TCF4: variants seen among roughly 807,000 people sequenced by gnomAD.
TCF4 encodes the protein SL3-3 enhancer factor 2.
TCF4 carries 3 observed loss-of-function variants against 82.1 expected under a neutral mutation model. That is an observed-to-expected ratio of 0.04 (90% CI 0.02 to 0.09). The LOEUF is 0.09. Ranked by LOEUF, TCF4 falls within the 10% of genes least tolerant of loss-of-function variation. The pLI is 1.00. For missense variants in TCF4, 518 were observed against 852.7 expected, an observed-to-expected ratio of 0.61 and a Z score of 4.89; for synonymous variants, 276 against 309.6, an observed-to-expected ratio of 0.89 and a Z score of 1.14.
chr18:55,474,504 C>T (rs987227352), intron 3 of TCF4, among the ~76,000 whole-genome samples: 11 of 152,068 alleles, frequency 7.2e-5, no homozygotes, highest in African/African-American at 2.4e-4. Context: ...GTTTCTATTA[C>T]TTATTTATTG....
At chr18:55,280,464 A>G (rs2062363048) in intron 8 of TCF4, among the ~76,000 whole-genome samples, 1 of 152,208 alleles carries the variant, frequency 6.6e-6, no homozygotes, top group Non-Finnish European at 1.5e-5. Context: ...ACAGGACAGC[A>G]TAGTAGAAAA....
chr18:55,303,297 A>G (rs1296961669), intron 8 of TCF4, among the ~76,000 whole-genome samples: 1 of 149,022 alleles, frequency 6.7e-6, no homozygotes, highest in Non-Finnish European at 1.5e-5. Context: ...GCTACTGGCA[A>G]TGGGTGCAAC....
rs1214490107 is a variant in TCF4 at position 55,309,252 on chromosome 18, T to C, written c.550-29596A>G. On this transcript the variant is annotated intron_variant, in intron 8 of 19. Coordinates refer to ENST00000354452, the MANE Select transcript of TCF4 (RefSeq NM_001083962.2). ...TCAATCTCCTAAGTAGCTGGGACTATAGATGAGCGCTACCATGCCTGGCTA... is the reference window on the plus strand; with the variant it reads ...TCAATCTCCTAAGTAGCTGGGACTACAGATGAGCGCTACCATGCCTGGCTA... Among the ~76,000 whole-genome samples, 8 of 151,694 alleles carry C rather than the reference T, an allele frequency of 5.3e-5. No individual in the cohort carries two copies. In the South Asian group the frequency reaches 1.5e-3, roughly 28 times the overall value.
chr18:55,379,469 G>A (rs1377589695), intron 6 of TCF4, among the ~76,000 whole-genome samples: 5 of 152,180 alleles, frequency 3.3e-5, no homozygotes, highest in Admixed American at 1.3e-4. Flanking sequence ...GCCCTGGGAA[G>A]GGAGTGTGTC....
intron 3 of TCF4, among the ~76,000 whole-genome samples, chr18:55,477,672 T>C (rs1047046988): frequency 3.3e-5 from 5 of 152,158 alleles, no homozygotes; most frequent in African/African-American, 9.7e-5. Context: ...GACGGAAAAA[T>C]GGACCAAGGT....
intron 3 of TCF4, among the ~76,000 whole-genome samples, chr18:55,560,372 T>C (rs762885270): frequency 2.0e-5 from 3 of 152,232 alleles, no homozygotes; most frequent in African/African-American, 4.8e-5. Flanking sequence ...CTAACATTTA[T>C]TGAGCTCTTA....
At chr18:55,395,376 C>T (rs540222797) in intron 6 of TCF4, among the ~76,000 whole-genome samples, 47 of 152,248 alleles carry the variant, frequency 3.1e-4, no homozygotes, top group South Asian at 8.3e-4. Flanking sequence ...ATTTTAAAAA[C>T]GCTTAATGGT....
intron 5 of TCF4, among the ~76,000 whole-genome samples, chr18:55,421,211 C>T (rs1222779235): frequency 6.6e-6 from 1 of 152,052 alleles, no homozygotes; most frequent in African/African-American, 2.4e-5. Flanking sequence ...TGCCTGTGTA[C>T]ACACACACAG....
chr18:55,234,266 G>C (rs1376705510), intron 16 of TCF4, among the ~76,000 whole-genome samples: 1 of 152,132 alleles, frequency 6.6e-6, no homozygotes, highest in Non-Finnish European at 1.5e-5. Flanking sequence ...AGAAAAATGT[G>C]GAAATAGCTA....
At chr18:55,463,831 A>G (rs2095929614) in intron 4 of TCF4, among the ~76,000 whole-genome samples, 1 of 152,140 alleles carries the variant, frequency 6.6e-6, no homozygotes, top group South Asian at 2.1e-4. Flanking sequence ...GTCAAATTGA[A>G]TAACAGCATC....
chr18:55,408,719 A>G (rs1344118167), intron 5 of TCF4, among the ~76,000 whole-genome samples: 1 of 152,186 alleles, frequency 6.6e-6, no homozygotes, highest in Non-Finnish European at 1.5e-5. Context: ...GCCCACAGCC[A>G]CACAGGTACA....
At chr18:55,445,053 A>C (rs1227860168) in intron 5 of TCF4, among the ~76,000 whole-genome samples, 1 of 152,146 alleles carries the variant, frequency 6.6e-6, no homozygotes, top group African/African-American at 2.4e-5. Context: ...GAATTGCCTT[A>C]ATCACCTCCT....
chr18:55,566,952 C>CA (rs2147445069), intron 3 of TCF4, among the ~76,000 whole-genome samples: 1 of 151,808 alleles, frequency 6.6e-6, no homozygotes, highest in South Asian at 2.1e-4. Context: ...TGCTAAATGC[C>CA]AAAAAACAGT....
At chr18:55,446,942 C>T (rs1296204296) in intron 5 of TCF4, among the ~76,000 whole-genome samples, 1 of 146,634 alleles carries the variant, frequency 6.8e-6, no homozygotes, top group South Asian at 2.1e-4. Context: ...GCGGAGATCG[C>T]GCCACTGCAT....
chr18:55,493,425 T>C (rs2096596243), intron 3 of TCF4, among the ~76,000 whole-genome samples: 1 of 152,184 alleles, frequency 6.6e-6, no homozygotes, highest in Admixed American at 6.6e-5. Context: ...ATAAAATTTC[T>C]ATTAACATGT....
intron 6 of TCF4, among the ~76,000 whole-genome samples, chr18:55,398,563 G>C (rs1472332519): frequency 6.6e-6 from 1 of 152,168 alleles, no homozygotes; most frequent in Non-Finnish European, 1.5e-5. Flanking sequence ...TATGACTTTG[G>C]TGTCCTTCCA....
chr18:55,443,133 C>T (rs1343097900), intron 5 of TCF4, among the ~76,000 whole-genome samples: 1 of 152,124 alleles, frequency 6.6e-6, no homozygotes, highest in Non-Finnish European at 1.5e-5. Flanking sequence ...TCAACCTGGA[C>T]CTTGTATGGG....
intron 5 of TCF4, among the ~76,000 whole-genome samples, chr18:55,455,887 A>T (rs1268998208): frequency 6.6e-6 from 1 of 152,188 alleles, no homozygotes; most frequent in Non-Finnish European, 1.5e-5. Context: ...GCTTCCAAAA[A>T]CACTTTTCCT....
chr18:55,365,189 ATATG>A (rs1421699971), intron 6 of TCF4, among the ~76,000 whole-genome samples: 10 of 108,594 alleles, frequency 9.2e-5, no homozygotes, highest in South Asian at 2.7e-4. Flanking sequence ...ATATATATAT[ATATG>A]TGTGTGTGTG....
Sources: gnomAD v4.1 joint callset for allele counts (sites outside exome capture counted in the v4.1 genomes callset) on GRCh38, gnomAD v4.1.1 for gene constraint, MANE v1.5 for transcripts, NCBI Gene and HGNC (gene_info 2026-07-23, HGNC 2026-07-21) for gene names.